Variants in PDSS2 observed in about 807,000 individuals in gnomAD.
The protein encoded by PDSS2 is decaprenyl diphosphate synthase subunit 2, also known as all trans-polyprenyl-diphosphate synthase PDSS2.
A neutral mutation model predicts 44.5 loss-of-function variants in PDSS2; 31 were observed. That is an observed-to-expected ratio of 0.70 (90% CI 0.52 to 0.94). The LOEUF is 0.94. PDSS2 is among the 40% of genes least tolerant of loss of function. PDSS2 has a pLI of 0.00. For synonymous variants in PDSS2, 157 were observed against 180.3 expected (o/e 0.87, Z 1.03); for missense variants, 452 against 482.2 (o/e 0.94, Z 0.59).
At chr6:107,364,542 G>A (rs576093780) in intron 1 of PDSS2, among the ~76,000 whole-genome samples, 17 of 152,342 alleles carry the variant, frequency 1.1e-4, no homozygotes, top group East Asian at 9.6e-4. Flanking sequence ...CTCCGAGTGC[G>A]GGGCCCACCA....
intron 4 of PDSS2, among the ~76,000 whole-genome samples, chr6:107,232,139 A>G (rs527357922): frequency 3.7e-4 from 57 of 152,294 alleles, no homozygotes; most frequent in South Asian, 6.2e-4. Flanking sequence ...AGTAATAACT[A>G]AAACAGAGTA....
intron 6 of PDSS2, among the ~76,000 whole-genome samples, chr6:107,197,307 C>T (rs1316302730): frequency 6.6e-6 from 1 of 151,774 alleles, no homozygotes; most frequent in South Asian, 2.1e-4. Context: ...GGATCTGACA[C>T]TATCTCCAGG....
intron 2 of PDSS2, among the ~76,000 whole-genome samples, chr6:107,299,146 C>CAAAAAAAAAAAAAAAAAAAAAAAAA (rs71991148): frequency 1.9e-5 from 1 of 53,494 alleles, no homozygotes; most frequent in Non-Finnish European, 3.1e-5. Context: ...GACCCTGTCT[C>CAAAAAAAAAAAAAAAAAAAAAAAAA]AAAAAAAAAA....
At chr6:107,412,391 A>C (rs1333861106) in intron 1 of PDSS2, among the ~76,000 whole-genome samples, 1 of 151,708 alleles carries the variant, frequency 6.6e-6, no homozygotes, top group African/African-American at 2.4e-5. Flanking sequence ...GGCACCCGCC[A>C]CCATGCCCAG....
At chr6:107,168,032 T>G (rs1771418566) in intron 7 of PDSS2, among the ~76,000 whole-genome samples, 1 of 152,126 alleles carries the variant, frequency 6.6e-6, no homozygotes, top group Non-Finnish European at 1.5e-5. Flanking sequence ...TGGATATCCT[T>G]ATTGACTTTC....
rs953940785 is a variant in PDSS2, at chr6:107,158,463, G to A, written c.1042-3686C>T. Among the ~76,000 whole-genome samples the A allele has an allele frequency of 9.2e-5, 14 of 152,126 alleles. No homozygotes were observed. The East Asian group carries it at 1.2e-3, about 13-fold the overall frequency. ...GCCTCCCAAAGTGCTGGGGTTACAG[G>A]CGTGAGCCACTGTGCTCCGCCAGAG... On this transcript the variant is annotated intron_variant, in intron 7 of 7. Coordinates refer to ENST00000369037, the MANE Select transcript of PDSS2 (RefSeq NM_020381.4).
chr6:107,405,826 G>A (rs112884578), intron 1 of PDSS2, among the ~76,000 whole-genome samples: 3,798 of 140,554 alleles, frequency 0.027, 184 homozygotes, highest in African/African-American at 0.096. Context: ...CAGCCTGGGC[G>A]ACAGAGCGAG....
intron 1 of PDSS2, among the ~76,000 whole-genome samples, chr6:107,378,914 C>T (rs372510817): frequency 5.9e-5 from 9 of 152,116 alleles, no homozygotes; most frequent in South Asian, 2.1e-4. Flanking sequence ...CATATCATAC[C>T]GAAGGTACAT....
At chr6:107,196,219 G>A (rs1399960310) in intron 6 of PDSS2, among the ~76,000 whole-genome samples, 1 of 152,080 alleles carries the variant, frequency 6.6e-6, no homozygotes, top group Non-Finnish European at 1.5e-5. Context: ...AAATAGTTTT[G>A]TCTACACTGA....
intron 1 of PDSS2, among the ~76,000 whole-genome samples, chr6:107,354,903 C>T (rs1778546819): frequency 6.6e-6 from 1 of 152,058 alleles, no homozygotes; most frequent in Non-Finnish European, 1.5e-5. Context: ...ATGCACCCAT[C>T]CCTAAATTTG....
intron 7 of PDSS2, among the ~76,000 whole-genome samples, chr6:107,188,259 G>A (rs1302030972): frequency 6.6e-6 from 1 of 151,940 alleles, no homozygotes; most frequent in African/African-American, 2.4e-5. Context: ...TGCACTTGTA[G>A]TTCCAGCTAC....
intron 2 of PDSS2, among the ~76,000 whole-genome samples, chr6:107,318,177 G>A (rs375247446): frequency 2.6e-5 from 4 of 152,028 alleles, no homozygotes; most frequent in African/African-American, 7.2e-5. Context: ...AATCCTGAGC[G>A]GTAAACAGGT....
At position 107,167,528 on chromosome 6, in the gene PDSS2, T is replaced by A. The variant is rs1192661855; in HGVS notation, c.1042-12751A>T. The stretch of plus-strand genomic sequence containing the variant: ...TTCTTGCCTTCTGCTAGCTTTTGAA[T>A]GTGTTTGCTCTTGCTTCTCTAGTTC... On this transcript the variant is annotated intron_variant, in intron 7 of 7. Transcript: ENST00000369037. Among the ~76,000 whole-genome samples the A allele has an allele frequency of 2.6e-5, 4 of 152,212 alleles. No individual in the cohort carries two copies. The East Asian group carries it at 7.7e-4, about 29-fold the overall frequency.
chr6:107,406,508 A>G (rs1280694775), intron 1 of PDSS2, among the ~76,000 whole-genome samples: 1 of 152,196 alleles, frequency 6.6e-6, no homozygotes, highest in African/African-American at 2.4e-5. Flanking sequence ...CAAACTCTAA[A>G]TGTATTTTCA....
intron 3 of PDSS2, among the ~76,000 whole-genome samples, chr6:107,248,698 T>C (rs1420233665): frequency 2.0e-5 from 3 of 152,210 alleles, no homozygotes; most frequent in Non-Finnish European, 4.4e-5. Context: ...CCTTAAGGCC[T>C]CTTCCAGCCC....
intron 4 of PDSS2, among the ~76,000 whole-genome samples, chr6:107,214,904 C>T (rs1294516105): frequency 6.6e-6 from 1 of 152,140 alleles, no homozygotes. Context: ...AGGTGTGTGC[C>T]ACCATGCCCA....
At chr6:107,412,233 C>CTTTTTTTTT (rs1169549611) in intron 1 of PDSS2, among the ~76,000 whole-genome samples, 10 of 73,408 alleles carry the variant, frequency 1.4e-4, no homozygotes, top group Non-Finnish European at 2.0e-4. Context: ...GTCCTTTGCT[C>CTTTTTTTTT]TTTTTTTTTT....
At position 107,454,193 on chromosome 6, in the gene PDSS2, A is replaced by G. The variant is rs183574475; in HGVS notation, c.296+4797T>C. Among the ~76,000 whole-genome samples the G allele has an allele frequency of 2.2e-4, 33 of 151,822 alleles. No homozygotes were observed. The East Asian group carries it at 6.2e-3, about 29-fold the overall frequency. On this transcript the variant is annotated intron_variant, in intron 1 of 7. Coordinates refer to ENST00000369037, the MANE Select transcript of PDSS2 (RefSeq NM_020381.4). ...CTCCCATGTAGCTAAGACTGCAGGC[A>G]TGCACCAGCAACCCGGATAATTTTT... is the stretch of plus-strand genomic sequence containing the variant.
At chr6:107,444,491 A>T (rs376678798) in intron 1 of PDSS2, among the ~76,000 whole-genome samples, 1 of 152,164 alleles carries the variant, frequency 6.6e-6, no homozygotes, top group Non-Finnish European at 1.5e-5. Flanking sequence ...GTCTCTCCTA[A>T]ATTCCTGGAC....
Sources: allele counts gnomAD v4.1 joint callset (sites outside exome capture counted in the v4.1 genomes callset), GRCh38; gene constraint gnomAD v4.1.1; transcripts MANE v1.5; gene names NCBI Gene and HGNC (gene_info 2026-07-23, HGNC 2026-07-21).